The following PDCD4 variants were observed in gnomAD, a reference collection of about 807,000 sequenced individuals.
PDCD4 encodes programmed cell death protein 4.
A neutral mutation model predicts 54.0 loss-of-function variants in PDCD4; 56 were observed. The observed-to-expected ratio is 1.04, with a 90% CI of 0.84 to 1.30. The LOEUF (loss-of-function observed/expected upper bound fraction) is 1.30. Among genes scored for constraint, PDCD4 ranks in the 50% most tolerant of loss-of-function variants. The probability of loss-of-function intolerance (pLI) is 0.00; values close to 1 mark genes in which losing one functional copy is unlikely to be tolerated. For missense variants in PDCD4, 584 were observed against 559.8 expected (o/e 1.04, Z -0.44); for synonymous variants, 186 against 194.8 (o/e 0.95, Z 0.37).
intron 3 of PDCD4, 90 bp from the exon 4 acceptor site, chr10:110,882,913 G>A (rs1845613198): frequency 1.2e-6 from 1 of 811,378 alleles, no homozygotes; most frequent in Non-Finnish European, 2.0e-6. Flanking sequence ...TTTTTTTTTA[G>A]CTGTTGTTTA....
In PDCD4 at chr10:110,889,618, G is replaced by T. The variant is rs776952437; in HGVS notation, c.863G>T (p.Cys288Phe). Residue 288 changes from cysteine (C) to phenylalanine (F), a missense_variant, in exon 7 of 12, where the codon TGT becomes TTT. By Grantham distance (205) the Cys-to-Phe change is radical. Coordinates refer to ENST00000280154, the MANE Select transcript of PDCD4 (RefSeq NM_014456.5). ...GATAGTTACAAAGGAACTGTAGATT[G>T]TGTGCAGGCTAGGTAAGTAAATCAC... ...YIDSYKGTVD[C>F]VQARAALDKA... 6 of 1,575,072 alleles carry T rather than the reference G, an allele frequency of 3.8e-6. No homozygotes were observed. In the Admixed American group the frequency reaches 1.0e-4, roughly 27 times the overall value.
chr10:110,894,233 A>G, intron 9 of PDCD4, 35 bp downstream of exon 9: 1 of 1,225,926 alleles, frequency 8.2e-7, no homozygotes, highest in Non-Finnish European at 1.2e-6. Flanking sequence ...GATAATTATT[A>G]AGTGTTCCTT....
rs1356524070 is a variant in PDCD4, at chr10:110,882,998, T to G, written c.347-5T>G. 1 of 1,577,224 alleles carries G rather than the reference T, an allele frequency of 6.3e-7. No individual in the cohort carries two copies. Among genetic ancestry groups the G allele is most frequent in the East Asian group, 2.3e-5 (1 of 43,280 alleles). ...TTTTTCTTTCTCAATGCTAAACTTT[T>G]TCAGGTGGTGCAGGAGGCAAAGGTG... On this transcript the variant is annotated splice_polypyrimidine_tract_variant and splice_region_variant and intron_variant, in intron 3 of 11. Transcript: ENST00000280154.
At chr10:110,874,374 G>GT (rs1333427249) in intron 1 of PDCD4, among the ~76,000 whole-genome samples, 1 of 152,104 alleles carries the variant, frequency 6.6e-6, no homozygotes, top group South Asian at 2.1e-4. Context: ...ACTGAAACAC[G>GT]TATCATATGA....
chr10:110,873,946 G>A (rs2135184451), intron 1 of PDCD4, among the ~76,000 whole-genome samples: 1 of 152,298 alleles, frequency 6.6e-6, no homozygotes, highest in East Asian at 1.9e-4. Flanking sequence ...TATTTTTAGT[G>A]TTTGGAAAAC....
rs1416280238 is a variant in PDCD4, at chr10:110,877,095, A to T, written c.43+1025A>T. Among the ~76,000 whole-genome samples the T allele has an allele frequency of 2.6e-5, 4 of 152,318 alleles. No individual in the cohort carries two copies. The East Asian group carries it at 7.7e-4, about 29-fold the overall frequency. ...TAAAGTATGGTAAAAAATTGAAAAAAATTTATGTAATTAATGATCATTTCT... is the reference window on the plus strand; with the variant it reads ...TAAAGTATGGTAAAAAATTGAAAAATATTTATGTAATTAATGATCATTTCT... On this transcript the variant is annotated intron_variant, in intron 2 of 11. Coordinates refer to ENST00000280154, the MANE Select transcript of PDCD4 (RefSeq NM_014456.5).
intron 5 of PDCD4, among the ~76,000 whole-genome samples, chr10:110,885,679 A>C (rs1323174148): frequency 1.3e-5 from 2 of 151,860 alleles, no homozygotes; most frequent in Non-Finnish European, 2.9e-5. Context: ...TAATTTTAGC[A>C]GTTTGAGGGC....
chr10:110,887,687 T>G lies in PDCD4; in HGVS notation c.578T>G (p.Leu193Arg). ...EVAEMLRDLN[L>R]GEMKSGVPVL... Reference sequence around the variant, plus strand: ...CAGGAAATGTTAAGAGATTTAAATCTTGGTGAAATGAAAAGTGGAGTACCA... The same window carrying G: ...CAGGAAATGTTAAGAGATTTAAATCGTGGTGAAATGAAAAGTGGAGTACCA... Residue 193 changes from leucine to arginine, a missense_variant, in exon 6 of 12, where the codon CTT (leucine) becomes CGT (arginine). Transcript: ENST00000280154. 1 of 1,611,992 alleles carries G rather than the reference T, an allele frequency of 6.2e-7. No individual in the cohort carries two copies. The highest frequency in any genetic ancestry group is 8.5e-7 in the Non-Finnish European group (1 of 1,178,252).
intron 10 of PDCD4, among the ~76,000 whole-genome samples, chr10:110,895,245 T>C (rs1845813875): frequency 1.3e-5 from 2 of 152,080 alleles, no homozygotes; most frequent in Admixed American, 6.6e-5. Flanking sequence ...CTCCCCACTT[T>C]TGAAATTCCC....
In PDCD4 at chr10:110,872,861, A is replaced by G. The variant is rs574876021; in HGVS notation, c.-63+843A>G. Among the ~76,000 whole-genome samples, 6 of 152,274 alleles carry G rather than the reference A, an allele frequency of 3.9e-5. No homozygotes were observed. The South Asian group carries it at 8.3e-4, about 21-fold the overall frequency. On this transcript the variant is annotated intron_variant, in intron 1 of 11. Transcript: ENST00000280154. ...GCTGTAACGTACATGGGGTTTTGCAAGAGCTTCAAAACTGTCTGCAGACGT... is the reference window on the plus strand; with the variant it reads ...GCTGTAACGTACATGGGGTTTTGCAGGAGCTTCAAAACTGTCTGCAGACGT...
At position 110,885,317 on chromosome 10, in the gene PDCD4, C is replaced by T. The variant is rs1391814352; in HGVS notation, c.506C>T (p.Thr169Ile). The change falls in exon 5 of 12, where the codon ACA becomes ATA. Residue 169 changes from threonine to isoleucine, a missense_variant. Thr to Ile is a moderately conservative substitution (Grantham distance 89). Coordinates refer to ENST00000280154, the MANE Select transcript of PDCD4 (RefSeq NM_014456.5). ...GAAAGGGCATTTGAGAAGACTTTAA[C>T]ACCAATCATACAGGAATATTTTGAG... ...LDERAFEKTL[T>I]PIIQEYFEHG... 2 of 1,598,894 alleles carry T rather than the reference C, an allele frequency of 1.3e-6. No individual in the cohort carries two copies. The highest frequency in any genetic ancestry group is 1.7e-6 in the Non-Finnish European group (2 of 1,168,340).
intron 8 of PDCD4, among the ~76,000 whole-genome samples, chr10:110,891,199 G>A (rs1266036757): frequency 5.9e-5 from 9 of 152,018 alleles, no homozygotes; most frequent in Non-Finnish European, 1.3e-4. Flanking sequence ...GAGGCCAGGA[G>A]TTTGAGACCA....
chr10:110,892,766 T>C (rs1402490355), intron 8 of PDCD4, among the ~76,000 whole-genome samples: 1 of 152,162 alleles, frequency 6.6e-6, no homozygotes, highest in Admixed American at 6.5e-5. Context: ...ATACAGTGTT[T>C]ATAAAGTGCA....
intron 11 of PDCD4, among the ~76,000 whole-genome samples, chr10:110,896,891 C>T (rs1845842801): frequency 6.6e-6 from 1 of 151,820 alleles, no homozygotes; most frequent in Admixed American, 6.6e-5. Context: ...TTTTAGAAGC[C>T]ATTAAAAGAG....
chr10:110,875,767 A>G (rs1161869557), intron 1 of PDCD4, among the ~76,000 whole-genome samples, 199 bp from the exon 2 acceptor site: 1 of 152,116 alleles, frequency 6.6e-6, no homozygotes, highest in Admixed American at 6.5e-5. Context: ...ACTTTGATAA[A>G]TTTATCAAAA....
intron 10 of PDCD4, 46 bp from the exon 11 acceptor site, chr10:110,895,902 T>C: frequency 6.9e-7 from 1 of 1,446,088 alleles, no homozygotes; most frequent in South Asian, 1.4e-5. Context: ...TTATGACATT[T>C]ATTTTATATG....
At chr10:110,875,540 T>C (rs1011184623) in intron 1 of PDCD4, among the ~76,000 whole-genome samples, 1 of 152,198 alleles carries the variant, frequency 6.6e-6, no homozygotes, top group Non-Finnish European at 1.5e-5. Context: ...GTGTTGTTTT[T>C]ATTTTGGAGT....
At chr10:110,882,066 A>G (rs1845601161) in intron 3 of PDCD4, among the ~76,000 whole-genome samples, 1 of 152,160 alleles carries the variant, frequency 6.6e-6, no homozygotes, top group South Asian at 2.1e-4. Flanking sequence ...CTGTAGGCAA[A>G]TATTTGTTGA....
chr10:110,880,821 T>C (rs928042066), intron 2 of PDCD4, among the ~76,000 whole-genome samples: 5 of 152,198 alleles, frequency 3.3e-5, no homozygotes, highest in African/African-American at 4.8e-5. Context: ...TCTATAAATA[T>C]TAGTTTATCT....
Sources: allele counts gnomAD v4.1 joint callset (sites outside exome capture counted in the v4.1 genomes callset), GRCh38; gene constraint gnomAD v4.1.1; transcripts MANE v1.5; gene names NCBI Gene and HGNC (gene_info 2026-07-23, HGNC 2026-07-21).